The following YY1AP1 variants were observed in gnomAD, a reference collection of about 807,000 sequenced individuals.
The protein encoded by YY1AP1 is YY1 associated protein 1.
YY1AP1 carries 43 observed loss-of-function variants against 39.9 expected under a neutral mutation model. The observed-to-expected ratio is 1.08, with a 90% CI of 0.84 to 1.39. The LOEUF is 1.39. YY1AP1 is among the 40% of genes most tolerant of loss of function. YY1AP1 has a pLI of 0.00. For synonymous variants in YY1AP1, 292 were observed against 331.3 expected, an observed-to-expected ratio of 0.88 and a Z score of 1.29; for missense variants, 813 against 900.7, an observed-to-expected ratio of 0.90 and a Z score of 1.25.
intron 9 of YY1AP1, among the ~76,000 whole-genome samples, chr1:155,664,493 G>A (rs537279338): frequency 6.6e-6 from 1 of 152,220 alleles, no homozygotes; most frequent in South Asian, 2.1e-4. Flanking sequence ...CCAGCACTAT[G>A]GGAGGCCAAG....
intron 9 of YY1AP1, among the ~76,000 whole-genome samples, chr1:155,663,232 G>C (rs923894142): frequency 2.6e-5 from 4 of 151,854 alleles, no homozygotes; most frequent in African/African-American, 9.7e-5. Context: ...TTAGCTAAGT[G>C]TGGTGGCGCG....
At position 155,688,165 on chromosome 1, in the gene YY1AP1, C is replaced by T. The variant is rs767977860; in HGVS notation, c.-115G>A. 6.2e-7 allele frequency: 1 copy of T among 1,613,994 alleles called. No individual in the cohort carries two copies. The highest frequency in any genetic ancestry group is 1.1e-5 in the South Asian group (1 of 91,076). Reference sequence around the variant, plus strand: ...GCTTCCCTGGGTCCACCGCGGATCCCTCCCGCTTGTCAGGAGGCGGCCAGC... The same window carrying T: ...GCTTCCCTGGGTCCACCGCGGATCCTTCCCGCTTGTCAGGAGGCGGCCAGC... On this transcript the variant is annotated 5_prime_UTR_variant, in exon 2 of 11. Transcript: ENST00000355499.
At chr1:155,666,480 TAAC>T (rs890093727) in intron 9 of YY1AP1, among the ~76,000 whole-genome samples, 16 of 152,304 alleles carry the variant, frequency 1.1e-4, no homozygotes, top group Admixed American at 3.9e-4. Context: ...AATTCTACCA[TAAC>T]TACTAGTGAG....
At position 155,688,738 on chromosome 1, in the gene YY1AP1, G is replaced by A. The variant is rs1653148198; in HGVS notation, c.-231C>T. The stretch of plus-strand genomic sequence containing the variant: ...CTCCCCGCCCGCACGGCCACCAACC[G>A]CCGCCAAAGCAGCCGCCGCCAGCAC... On this transcript the variant is annotated 5_prime_UTR_variant, in exon 1 of 11. Transcript: ENST00000355499. 1.1e-5 allele frequency: 16 copies of A among 1,431,718 alleles called. No individual in the cohort carries two copies. Among genetic ancestry groups the A allele is most frequent in the African/African-American group, 1.4e-5 (1 of 69,716 alleles). 88.7% of individuals were successfully genotyped at this position (1,431,718 alleles called of 1,614,324 possible). A position where few individuals can be genotyped will look rare whatever the true frequency, so the allele number is the denominator to read the frequency against.
chr1:155,688,141 C>T lies in YY1AP1; in HGVS notation c.-91G>A. 6.2e-7 allele frequency: 1 copy of T among 1,613,092 alleles called. No individual in the cohort carries two copies. The highest frequency in any genetic ancestry group is 8.5e-7 in the Non-Finnish European group (1 of 1,179,286). ...AGGGGGTGGCCGCCAGGCTCCTCCG[C>T]TTCCCTGGGTCCACCGCGGATCCCT... On this transcript the variant is annotated 5_prime_UTR_variant, in exon 2 of 11. Transcript: ENST00000355499.
rs1352962597 is a variant in YY1AP1, at chr1:155,659,837, T to C, written c.2073A>G (p.Gly691=). The C allele has an allele frequency of 1.2e-6, 2 of 1,614,096 alleles. No individual in the cohort carries two copies. Among genetic ancestry groups the C allele is most frequent in the Non-Finnish European group, 1.7e-6 (2 of 1,180,050 alleles). Residue 691 remains glycine, a synonymous_variant, in exon 11 of 11, where the codon GGA becomes GGG. Coordinates refer to ENST00000355499, the MANE Select transcript of YY1AP1 (RefSeq NM_139119.3). ...PPPVDKQCQE[G]LSENSAYRWT... ...AGCGATAGGCACTGTTCTCTGACAA[T>C]CCTTCTTGGCACTGTTTATCGACTG...
intron 2 of YY1AP1, among the ~76,000 whole-genome samples, chr1:155,684,319 C>A (rs1168920063): frequency 6.6e-6 from 1 of 152,094 alleles, no homozygotes; most frequent in Non-Finnish European, 1.5e-5. Flanking sequence ...AAATTGTATA[C>A]ACATACATGC....
chr1:155,660,169 C>T lies in YY1AP1; in HGVS notation c.1741G>A (p.Val581Met). 1.2e-6 allele frequency: 2 copies of T among 1,614,184 alleles called. No homozygotes were observed. Among genetic ancestry groups the T allele is most frequent in the African/African-American group, 2.7e-5 (2 of 75,040 alleles). The change falls in exon 11 of 11, where the codon GTG becomes ATG. Residue 581 changes from valine (V) to methionine (M), a missense_variant. Physicochemically the swap from Val to Met is conservative, Grantham distance 21. This residue lies in a region of YY1AP1 where 586 missense variants were observed against 647.4 expected (regional missense o/e 0.91). Transcript: ENST00000355499. ...CNMIQPVNAA[V>M]AQSPQTIPIA... ...GGAATAGTCTGGGGACTCTGGGCCACAGCCGCATTGACAGGCTGGATCATG... is the reference window on the plus strand; with the variant it reads ...GGAATAGTCTGGGGACTCTGGGCCATAGCCGCATTGACAGGCTGGATCATG...
intron 4 of YY1AP1, among the ~76,000 whole-genome samples, chr1:155,678,301 G>C (rs895078194): frequency 5.3e-5 from 8 of 152,154 alleles, no homozygotes; most frequent in Non-Finnish European, 1.0e-4. Flanking sequence ...TTTAATGATA[G>C]ATTTCACAGA....
rs191679655 is a variant in YY1AP1, at chr1:155,671,756, A to C, written c.583+804T>G. ...ACTAGATGTGTAAGATAATACTATA[A>C]TTTGGTATTAAATCACGTTTTCATT... On this transcript the variant is annotated intron_variant, in intron 7 of 10. Coordinates refer to ENST00000355499, the MANE Select transcript of YY1AP1 (RefSeq NM_139119.3). Among the ~76,000 whole-genome samples the C allele has an allele frequency of 3.9e-5, 6 of 152,308 alleles. No homozygotes were observed. In the East Asian group the frequency reaches 1.2e-3, roughly 29 times the overall value.
chr1:155,672,585 G>A lies in YY1AP1; in HGVS notation c.558C>T (p.Ser186=). ...CAGTCTTCTTGACAGTTTTATGAGG[G>A]CTGCAGTCAATGCTGACATGTGTGC... ...DFSTHVSIDC[S]PHKTVKKTAN... is the part of the protein sequence containing the mutation. The change falls in exon 7 of 11, where the codon AGC becomes AGT. Residue 186 remains serine (S), a synonymous_variant. Transcript: ENST00000355499. The A allele has an allele frequency of 6.2e-7, 1 of 1,612,758 alleles. No homozygotes were observed. The highest frequency in any genetic ancestry group is 8.5e-7 in the Non-Finnish European group (1 of 1,178,912).
intron 2 of YY1AP1, among the ~76,000 whole-genome samples, chr1:155,685,709 C>T (rs1465939542): frequency 2.0e-5 from 3 of 152,130 alleles, no homozygotes; most frequent in Admixed American, 1.3e-4. Context: ...TCCACACACC[C>T]GAACAATGAA....
intron 6 of YY1AP1, 62 bp downstream of exon 6, chr1:155,674,948 A>G: frequency 6.8e-7 from 1 of 1,470,148 alleles, no homozygotes; most frequent in East Asian, 2.3e-5. Context: ...AACTGTGAGA[A>G]ATAACCTGCC....
At chr1:155,673,129 C>T (rs1650099698) in intron 6 of YY1AP1, among the ~76,000 whole-genome samples, 1 of 152,144 alleles carries the variant, frequency 6.6e-6, no homozygotes, top group South Asian at 2.1e-4. Flanking sequence ...AGCCATCCTC[C>T]CACTGCCTCC....
At chr1:155,688,582 CG>C in intron 1 of YY1AP1, 76 bp downstream of exon 1, 1 of 1,536,848 alleles carries the variant, frequency 6.5e-7, no homozygotes, top group Non-Finnish European at 8.7e-7. Context: ...CGCTCACCCA[CG>C]GGAACCTCCT....
At chr1:155,683,103 A>G (rs1251089527) in intron 2 of YY1AP1, among the ~76,000 whole-genome samples, 1 of 152,082 alleles carries the variant, frequency 6.6e-6, no homozygotes, top group South Asian at 2.1e-4. Context: ...AAAACAAAAA[A>G]CAAAATTGAT....
At chr1:155,675,843 T>C (rs1010223815) in intron 5 of YY1AP1, among the ~76,000 whole-genome samples, 2 of 152,138 alleles carry the variant, frequency 1.3e-5, no homozygotes, top group Non-Finnish European at 2.9e-5. Flanking sequence ...CGTAGGATCT[T>C]GGCATAAATT....
intron 9 of YY1AP1, among the ~76,000 whole-genome samples, chr1:155,664,999 C>T (rs540575359): frequency 6.6e-6 from 1 of 151,814 alleles, no homozygotes; most frequent in South Asian, 2.1e-4. Context: ...CTCGATTTCC[C>T]GACCTCGTGA....
At chr1:155,680,020 T>C (rs2149064555) in intron 3 of YY1AP1, 1 of 226,492 alleles carries the variant, frequency 4.4e-6, no homozygotes, top group Admixed American at 5.3e-5. Context: ...TACAAAAAAA[T>C]AAAATAATTA....
Sources: gnomAD v4.1 joint callset for allele counts (sites outside exome capture counted in the v4.1 genomes callset) on GRCh38, gnomAD v4.1.1 for gene constraint, gnomAD v4.1.1 regional missense constraint, MANE v1.5 for transcripts, NCBI Gene and HGNC (gene_info 2026-07-23, HGNC 2026-07-21) for gene names.